NDUFB3: variants seen among roughly 807,000 people sequenced by gnomAD.
NDUFB3 encodes NADH dehydrogenase [ubiquinone] 1 beta subcomplex subunit 3.
In NDUFB3, 7 loss-of-function variants were observed where a neutral mutation model predicts 9.0. The ratio of observed to expected loss-of-function variants is 0.78; its 90% CI spans 0.44 to 1.46. The LOEUF (loss-of-function observed/expected upper bound fraction) is 1.46. NDUFB3 is among the 40% of genes most tolerant of loss of function. The pLI is 0.01. For missense variants in NDUFB3, 93 were observed against 115.4 expected (o/e 0.81, Z 0.89); for synonymous variants, 29 against 38.5 (o/e 0.75, Z 0.91).
chr2:201,083,005 G>T (rs772275412), intron 2 of NDUFB3, among the ~76,000 whole-genome samples: 1 of 152,062 alleles, frequency 6.6e-6, no homozygotes, highest in Non-Finnish European at 1.5e-5. Context: ...GAGCCACCGC[G>T]CCCGGCCGCT....
At position 201,080,304 on chromosome 2, in the gene NDUFB3, C is replaced by T. The variant is rs2047208529; in HGVS notation, c.140+1282C>T. ...TTGACACTCAATGTGGGTGGTGGCT[C>T]GCACCTATAATTCCAGCACATTGGG... is the stretch of plus-strand genomic sequence containing the variant. On this transcript the variant is annotated intron_variant, in intron 2 of 2. Coordinates refer to ENST00000237889, the MANE Select transcript of NDUFB3 (RefSeq NM_002491.3). Among the ~76,000 whole-genome samples, 3 of 152,108 alleles carry T rather than the reference C, an allele frequency of 2.0e-5. No individual in the cohort carries two copies. In the South Asian group the frequency reaches 6.2e-4, roughly 32 times the overall value.
chr2:201,075,563 C>T (rs2047155285), intron 1 of NDUFB3, among the ~76,000 whole-genome samples: 1 of 97,890 alleles, frequency 1.0e-5, no homozygotes, highest in Non-Finnish European at 1.8e-5. Flanking sequence ...GAGACTCTGT[C>T]TCAAAAAAAA....
rs375262633 is a variant in NDUFB3 at position 201,074,119 on chromosome 2, A to G, written c.-3+2060A>G. ...AGGCATGTGCTACCATGCCCAGCTA[A>G]TTTTTTTATTTTTAGTAGAGACGGG... On this transcript the variant is annotated intron_variant, in intron 1 of 2. Transcript: ENST00000237889. Among the ~76,000 whole-genome samples the G allele has an allele frequency of 1.4e-4, 22 of 151,824 alleles. No homozygotes were observed. The East Asian group carries it at 4.1e-3, about 28-fold the overall frequency.
chr2:201,072,099 T>A (rs541449726), intron 1 of NDUFB3, 40 bp downstream of exon 1: 1 of 152,336 alleles, frequency 6.6e-6, no homozygotes, highest in East Asian at 1.9e-4. Context: ...TGATTAGGAT[T>A]AAGAGCTAGA....
At chr2:201,084,095 T>C (rs527639005) in intron 2 of NDUFB3, among the ~76,000 whole-genome samples, 1 of 152,114 alleles carries the variant, frequency 6.6e-6, no homozygotes, top group South Asian at 2.1e-4. Flanking sequence ...TCGAGACCAG[T>C]GTGGCCAACA....
intron 2 of NDUFB3, among the ~76,000 whole-genome samples, chr2:201,080,326 TG>T (rs2047208830): frequency 6.6e-6 from 1 of 152,124 alleles, no homozygotes; most frequent in African/African-American, 2.4e-5. Context: ...TCCAGCACAT[TG>T]GGAAGCCAAG....
intron 2 of NDUFB3, among the ~76,000 whole-genome samples, chr2:201,084,982 A>G (rs527726267): frequency 6.6e-6 from 1 of 152,334 alleles, no homozygotes; most frequent in South Asian, 2.1e-4. Context: ...TTTAGTCTTT[A>G]TGATATTATA....
chr2:201,079,512 C>T (rs185708100), intron 2 of NDUFB3, among the ~76,000 whole-genome samples: 3 of 152,072 alleles, frequency 2.0e-5, no homozygotes, highest in South Asian at 2.1e-4. Context: ...TGCAGTGGTG[C>T]GCTCACAGCA....
In NDUFB3 at chr2:201,085,549, A is replaced by C. The variant is rs780583582; in HGVS notation, c.231A>C (p.Ala77=). The C allele has an allele frequency of 3.1e-6, 5 of 1,612,572 alleles. No homozygotes were observed. In the South Asian group the frequency reaches 5.5e-5, roughly 18 times the overall value. ...AAGGATTCAAATGGGGATTTGCTGCATTTGTGGTAGCTGTAGGAGCTGAAT... is the reference window on the plus strand; with the variant it reads ...AAGGATTCAAATGGGGATTTGCTGCCTTTGTGGTAGCTGTAGGAGCTGAAT... The part of the protein sequence containing the change: ...FFKGFKWGFA[A]FVVAVGAEYY... The change falls in exon 3 of 3, where the codon GCA becomes GCC. Residue 77 remains alanine, a synonymous_variant. Coordinates refer to ENST00000237889, the MANE Select transcript of NDUFB3 (RefSeq NM_002491.3).
intron 2 of NDUFB3, among the ~76,000 whole-genome samples, chr2:201,083,604 C>A (rs1414649735): frequency 6.6e-6 from 1 of 152,132 alleles, no homozygotes; most frequent in East Asian, 1.9e-4. Flanking sequence ...GCCTCGACCT[C>A]CCAAAGTGCT....
At chr2:201,081,645 T>A (rs2047223954) in intron 2 of NDUFB3, among the ~76,000 whole-genome samples, 1 of 151,396 alleles carries the variant, frequency 6.6e-6, no homozygotes, top group African/African-American at 2.4e-5. Flanking sequence ...ATTATTTATT[T>A]TATTTTATTT....
chr2:201,082,102 C>T (rs2125537379), intron 2 of NDUFB3, among the ~76,000 whole-genome samples: 1 of 152,084 alleles, frequency 6.6e-6, no homozygotes, highest in South Asian at 2.1e-4. Flanking sequence ...AGGCATGAGC[C>T]ACCGCGCCAG....
At chr2:201,082,253 GTTGTTTGTTTGT>G (rs375926671) in intron 2 of NDUFB3, among the ~76,000 whole-genome samples, 1 of 151,388 alleles carries the variant, frequency 6.6e-6, no homozygotes, top group African/African-American at 2.4e-5. Context: ...CAGGCCTGGC[GTTGTTTGTTTGT>G]TTGTTTGTTT....
intron 2 of NDUFB3, among the ~76,000 whole-genome samples, chr2:201,080,382 A>G (rs1051909907): frequency 3.3e-5 from 5 of 152,110 alleles, no homozygotes; most frequent in African/African-American, 1.2e-4. Flanking sequence ...CAGCCTAGGC[A>G]GTACAGGGAG....
At position 201,085,748 on chromosome 2, in the gene NDUFB3, C is replaced by A. The variant is rs1355433206; in HGVS notation, c.*133C>A. ...AATCAATTAAAATATATATATATGC[C>A]AATCTGCTTTTGTCATTCTTAAAAA... On this transcript the variant is annotated 3_prime_UTR_variant, in exon 3 of 3. Transcript: ENST00000237889. The A allele has an allele frequency of 6.2e-6, 4 of 647,432 alleles. No individual in the cohort carries two copies. The highest frequency in any genetic ancestry group is 9.3e-6 in the Non-Finnish European group (4 of 431,178). The allele number at this position is 647,432 out of a possible 1,614,324, so 40.1% of individuals were successfully genotyped here. A position where few individuals can be genotyped will look rare whatever the true frequency, so the allele number is the denominator to read the frequency against.
At chr2:201,078,781 TTAA>T in intron 1 of NDUFB3, 97 bp from the exon 2 acceptor site, 1 of 1,163,022 alleles carries the variant, frequency 8.6e-7, no homozygotes, top group Non-Finnish European at 1.2e-6. Flanking sequence ...GCTTTTTTTT[TTAA>T]TATTAAATGC....
At chr2:201,074,244 C>T (rs1056123535) in intron 1 of NDUFB3, among the ~76,000 whole-genome samples, 1 of 152,042 alleles carries the variant, frequency 6.6e-6, no homozygotes, top group African/African-American at 2.4e-5. Context: ...TGAGCCACCG[C>T]TCCTGGCCTC....
chr2:201,076,511 A>ATAAT (rs2047164619), intron 1 of NDUFB3, among the ~76,000 whole-genome samples: 2 of 137,356 alleles, frequency 1.5e-5, no homozygotes, highest in Non-Finnish European at 3.3e-5. Context: ...ATATATATAT[A>ATAAT]TAATTAAATG....
chr2:201,076,432 G>A (rs2125532636), intron 1 of NDUFB3, among the ~76,000 whole-genome samples: 1 of 148,320 alleles, frequency 6.7e-6, no homozygotes, highest in Non-Finnish European at 1.5e-5. Flanking sequence ...CTTGAGCCCA[G>A]GAGTTTGAGG....
Sources: gnomAD v4.1 joint callset for allele counts (sites outside exome capture counted in the v4.1 genomes callset) on GRCh38, gnomAD v4.1.1 for gene constraint, MANE v1.5 for transcripts, NCBI Gene and HGNC (gene_info 2026-07-23, HGNC 2026-07-21) for gene names.